KCNAB1: variants seen among roughly 807,000 people sequenced by gnomAD.
The protein encoded by KCNAB1 is potassium voltage-gated channel subfamily A regulatory beta subunit 1, also known as voltage-gated potassium channel subunit beta-1.
In KCNAB1, 35 loss-of-function variants were observed where a neutral mutation model predicts 64.6. The observed-to-expected ratio is 0.54, with a 90% confidence interval of 0.41 to 0.72. The LOEUF (loss-of-function observed/expected upper bound fraction) is 0.72. Ranked by LOEUF, KCNAB1 falls within the 30% of genes least tolerant of loss-of-function variation. The pLI, the probability that KCNAB1 is intolerant of heterozygous loss-of-function variation, is 0.00. For synonymous variants in KCNAB1, 177 were observed against 183.8 expected, an observed-to-expected ratio of 0.96 and a Z score of 0.30; for missense variants, 401 against 512.9, an observed-to-expected ratio of 0.78 and a Z score of 2.11.
Position 156,463,560 on chromosome 3 carries a change from A to T in KCNAB1, c.483-142A>T, listed in dbSNP as rs1713106008. 37 of 672,546 alleles carry T rather than the reference A, an allele frequency of 5.5e-5. No individual in the cohort carries two copies. In the East Asian group the frequency reaches 1.2e-3, roughly 21 times the overall value. The allele number at this position is 672,546 out of a possible 1,614,324, so 41.7% of individuals were successfully genotyped here. A position where few individuals can be genotyped will look rare whatever the true frequency, so the allele number is the denominator to read the frequency against. The stretch of plus-strand genomic sequence containing the variant: ...CTTTGTCTTTATTTCAGTGAGATGG[A>T]TTAACAAATTTACCTCTTTACCAAT... On this transcript the variant is annotated intron_variant, in intron 5 of 13. Transcript: ENST00000490337.
intron 1 of KCNAB1, among the ~76,000 whole-genome samples, chr3:156,187,073 A>T (rs1713248993): frequency 6.6e-6 from 1 of 152,072 alleles, no homozygotes; most frequent in African/African-American, 2.4e-5. Context: ...AGGCTGGTCT[A>T]GAATTCCTGG....
chr3:156,440,460 A>G (rs1230464815), intron 2 of KCNAB1, among the ~76,000 whole-genome samples: 2 of 152,220 alleles, frequency 1.3e-5, no homozygotes, highest in African/African-American at 2.4e-5. Context: ...CTCCTGAACC[A>G]TAATTAATTT....
intron 1 of KCNAB1, among the ~76,000 whole-genome samples, chr3:156,336,658 T>G (rs1451302775): frequency 6.6e-6 from 1 of 152,232 alleles, no homozygotes; most frequent in Non-Finnish European, 1.5e-5. Flanking sequence ...GTGACAAACC[T>G]GGAGATGCCT....
chr3:156,163,770 A>T (rs1716216542), intron 1 of KCNAB1, among the ~76,000 whole-genome samples: 1 of 152,226 alleles, frequency 6.6e-6, no homozygotes, highest in Non-Finnish European at 1.5e-5. Context: ...GTAAACACAG[A>T]TGAAGAAGCA....
intron 1 of KCNAB1, among the ~76,000 whole-genome samples, chr3:156,178,420 T>A (rs1435802596): frequency 6.6e-6 from 1 of 152,174 alleles, no homozygotes; most frequent in Non-Finnish European, 1.5e-5. Flanking sequence ...CTACCCCTAG[T>A]GGGGAAAAGA....
intron 12 of KCNAB1, among the ~76,000 whole-genome samples, chr3:156,530,919 G>C (rs906888054): frequency 6.6e-6 from 1 of 152,172 alleles, no homozygotes; most frequent in Non-Finnish European, 1.5e-5. Context: ...GCAGTGTTAG[G>C]TGTTTCCAGG....
At chr3:156,263,284 A>G (rs1009617185) in intron 1 of KCNAB1, among the ~76,000 whole-genome samples, 2 of 152,008 alleles carry the variant, frequency 1.3e-5, no homozygotes, top group African/African-American at 4.8e-5. Context: ...AGTTTTCCTC[A>G]GAATGCTGCC....
chr3:156,299,506 A>G (rs529366746), intron 1 of KCNAB1, among the ~76,000 whole-genome samples: 2 of 147,614 alleles, frequency 1.4e-5, no homozygotes, highest in Non-Finnish European at 3.0e-5. Flanking sequence ...AACCATAGGC[A>G]TATATGATTG....
At chr3:156,504,219 A>C (rs1716658923) in intron 8 of KCNAB1, among the ~76,000 whole-genome samples, 1 of 152,180 alleles carries the variant, frequency 6.6e-6, no homozygotes, top group African/African-American at 2.4e-5. Flanking sequence ...AGGCTTATCC[A>C]TGTTGCCACA....
At chr3:156,315,237 G>A (rs908000393) in intron 1 of KCNAB1, among the ~76,000 whole-genome samples, 1 of 152,142 alleles carries the variant, frequency 6.6e-6, no homozygotes, top group Non-Finnish European at 1.5e-5. Context: ...TCTTATGGTG[G>A]CCAGCCTGCC....
At chr3:156,209,041 G>A (rs886612025) in intron 1 of KCNAB1, among the ~76,000 whole-genome samples, 2 of 152,190 alleles carry the variant, frequency 1.3e-5, no homozygotes, top group African/African-American at 4.8e-5. Flanking sequence ...TGTTAAAAGA[G>A]GCGTAAGATA....
In KCNAB1 at chr3:156,163,900, T is replaced by C. The variant is rs1167645482; in HGVS notation, c.275+43014T>C. On this transcript the variant is annotated intron_variant, in intron 1 of 13. Transcript: ENST00000490337. ...TGCCATGGCATGAAGTTTCATTTAG[T>C]GTGGATACAACCTTGATGATCTACA... Among the ~76,000 whole-genome samples the C allele has an allele frequency of 2.0e-5, 3 of 152,234 alleles. No homozygotes were observed. The South Asian group carries it at 6.2e-4, about 31-fold the overall frequency.
chr3:156,279,365 A>G (rs1719553498), intron 1 of KCNAB1, among the ~76,000 whole-genome samples: 1 of 152,040 alleles, frequency 6.6e-6, no homozygotes, highest in Admixed American at 6.5e-5. Flanking sequence ...CCCGTCTATC[A>G]TTGTTGGACA....
At chr3:156,296,698 C>G (rs1720808746) in intron 1 of KCNAB1, among the ~76,000 whole-genome samples, 1 of 152,148 alleles carries the variant, frequency 6.6e-6, no homozygotes, top group South Asian at 2.1e-4. Flanking sequence ...TGATCTCAAT[C>G]TCCTGACCTC....
intron 1 of KCNAB1, among the ~76,000 whole-genome samples, chr3:156,337,868 C>G (rs529688054): frequency 1.3e-5 from 2 of 152,280 alleles, no homozygotes; most frequent in South Asian, 4.1e-4. Context: ...TTGATTAATA[C>G]TGTTTTCTTT....
At chr3:156,206,482 G>A (rs1185751915) in intron 1 of KCNAB1, among the ~76,000 whole-genome samples, 1 of 152,186 alleles carries the variant, frequency 6.6e-6, no homozygotes, top group Non-Finnish European at 1.5e-5. Flanking sequence ...ACTTTAAGGA[G>A]GAAGAGTTGA....
chr3:156,439,473 G>C (rs1314878989), intron 2 of KCNAB1, among the ~76,000 whole-genome samples: 3 of 152,168 alleles, frequency 2.0e-5, no homozygotes, highest in Non-Finnish European at 4.4e-5. Flanking sequence ...TGATATTGGA[G>C]AGACAGTGAT....
intron 1 of KCNAB1, among the ~76,000 whole-genome samples, chr3:156,195,623 T>G (rs186819430): frequency 6.6e-6 from 1 of 152,300 alleles, no homozygotes; most frequent in Non-Finnish European, 1.5e-5. Flanking sequence ...TGCCCACTTT[T>G]GGATGGGGTT....
chr3:156,132,138 G>A lies in KCNAB1; in HGVS notation c.275+11252G>A, dbSNP rs1017747032. Among the ~76,000 whole-genome samples, 7 of 152,216 alleles carry A rather than the reference G, an allele frequency of 4.6e-5. No individual in the cohort carries two copies. The East Asian group carries it at 9.6e-4, about 21-fold the overall frequency. On this transcript the variant is annotated intron_variant, in intron 1 of 13. Transcript: ENST00000490337. ...AGGGTTAGGGAGCTTCTAAGGTAGA[G>A]TTTGGCTATTTTCCATAACATGGAG...
Sources: allele counts gnomAD v4.1 joint callset (sites outside exome capture counted in the v4.1 genomes callset), GRCh38; gene constraint gnomAD v4.1.1; transcripts MANE v1.5; gene names NCBI Gene and HGNC (gene_info 2026-07-23, HGNC 2026-07-21).